The following AMBRA1 variants were observed in gnomAD, a reference collection of about 807,000 sequenced individuals.
AMBRA1 encodes activating molecule in BECN1-regulated autophagy protein 1.
Under a neutral mutation model 125.4 loss-of-function variants are expected in AMBRA1, and 47 were observed. The ratio of observed to expected loss-of-function variants is 0.37; its 90% confidence interval spans 0.30 to 0.48. The LOEUF (loss-of-function observed/expected upper bound fraction) is 0.48. Ranked by LOEUF, AMBRA1 falls within the 20% of genes least tolerant of loss-of-function variation. AMBRA1 has a pLI of 0.99. For synonymous variants in AMBRA1, 626 were observed against 655.5 expected (o/e 0.95, Z 0.69); for missense variants, 1,331 against 1,693.4 (o/e 0.79, Z 3.76).
At chr11:46,427,951 G>C (rs1947233811) in intron 14 of AMBRA1, among the ~76,000 whole-genome samples, 3 of 145,050 alleles carry the variant, frequency 2.1e-5, no homozygotes, top group African/African-American at 5.1e-5. Flanking sequence ...GGAGGTTGCA[G>C]TGAGCCAAGG....
chr11:46,519,551 T>C (rs1951668840), intron 7 of AMBRA1, among the ~76,000 whole-genome samples: 1 of 152,226 alleles, frequency 6.6e-6, no homozygotes. Flanking sequence ...TAGAACTCTC[T>C]GGCCTCTACT....
intron 3 of AMBRA1, among the ~76,000 whole-genome samples, chr11:46,547,590 G>A (rs1299748639): frequency 6.6e-6 from 1 of 152,156 alleles, no homozygotes; most frequent in African/African-American, 2.4e-5. Context: ...GATTGTTATT[G>A]AGAAACTTTC....
chr11:46,561,966 T>C (rs868374664), intron 1 of AMBRA1, among the ~76,000 whole-genome samples: 25 of 152,354 alleles, frequency 1.6e-4, no homozygotes, highest in Middle Eastern at 6.8e-3. Flanking sequence ...GCAGGTATTA[T>C]GTTGGCACTG....
intron 13 of AMBRA1, 147 bp from the exon 14 acceptor site, chr11:46,433,775 T>C (rs1211821296): frequency 1.1e-5 from 9 of 823,050 alleles, no homozygotes; most frequent in East Asian, 1.1e-4. Context: ...GTGAGGAGTA[T>C]GATGAGAAGG....
chr11:46,550,467 T>G lies in AMBRA1; in HGVS notation c.-120-1967A>C, dbSNP rs567836243. ...ATCTCCCCCTTTACAATTAGCAATCTGTGGCAATTATTTGGCATCATGTAA... is the reference window on the plus strand; with the variant it reads ...ATCTCCCCCTTTACAATTAGCAATCGGTGGCAATTATTTGGCATCATGTAA... On this transcript the variant is annotated intron_variant, in intron 1 of 17. Coordinates refer to ENST00000683756, the MANE Select transcript of AMBRA1 (RefSeq NM_001387011.1). Among the ~76,000 whole-genome samples the G allele has an allele frequency of 1.2e-4, 19 of 152,334 alleles. 2 individuals carry two copies. Among genetic ancestry groups the G allele is most frequent in the Middle Eastern group, 6.8e-3 (2 of 294 alleles).
intron 12 of AMBRA1, among the ~76,000 whole-genome samples, chr11:46,442,464 T>C (rs942874586): frequency 1.3e-4 from 20 of 152,056 alleles, no homozygotes; most frequent in African/African-American, 4.8e-4. Context: ...TTAACACAAA[T>C]CTAGCAGTGA....
At chr11:46,566,147 G>A (rs1359475279) in intron 1 of AMBRA1, among the ~76,000 whole-genome samples, 2 of 152,064 alleles carry the variant, frequency 1.3e-5, no homozygotes, top group Non-Finnish European at 2.9e-5. Context: ...TGGTCAGGGC[G>A]CTAGCTCACA....
intron 1 of AMBRA1, among the ~76,000 whole-genome samples, chr11:46,551,468 A>G (rs149985422): frequency 1.3e-5 from 2 of 152,260 alleles, no homozygotes; most frequent in Admixed American, 6.5e-5. Flanking sequence ...TATTTTAAAG[A>G]TGGGGTCTCG....
chr11:46,442,999 G>A (rs1948094983), intron 12 of AMBRA1, among the ~76,000 whole-genome samples: 1 of 152,224 alleles, frequency 6.6e-6, no homozygotes, highest in Admixed American at 6.5e-5. Flanking sequence ...TGGGATTACA[G>A]GCGTGAGCCA....
intron 7 of AMBRA1, among the ~76,000 whole-genome samples, chr11:46,541,695 C>A (rs1203512370): frequency 6.6e-6 from 1 of 152,228 alleles, no homozygotes; most frequent in Non-Finnish European, 1.5e-5. Flanking sequence ...CTACACTCTC[C>A]TTTCAAGGCT....
Position 46,542,088 on chromosome 11 carries a change from C to G in AMBRA1, c.1929G>C (p.Glu643Asp). Reference protein sequence around the residue: ...ELSSSASPQEERTVGVAFNQE... With the variant: ...ELSSSASPQEDRTVGVAFNQE... The stretch of plus-strand genomic sequence containing the variant: ...GGTTAAAGGCCACCCCCACAGTCCT[C>G]TCCTCCTGCGGACTAGCAGAGCTGC... The change falls in exon 7 of 18, where the codon GAG becomes GAC. Residue 643 changes from glutamate to aspartate, a missense_variant. Glu to Asp is a conservative substitution (Grantham distance 45, BLOSUM62 2). This residue lies in a region of AMBRA1 where 689 missense variants were observed against 776.5 expected (regional missense o/e 0.89). Coordinates refer to ENST00000683756, the MANE Select transcript of AMBRA1 (RefSeq NM_001387011.1). This position sits in a 1 kb window ranked among gnomAD's most constrained non-coding sequence, Gnocchi z 5.9. 6.2e-7 allele frequency: 1 copy of G among 1,613,928 alleles called. No individual in the cohort carries two copies. The highest frequency in any genetic ancestry group is 8.5e-7 in the Non-Finnish European group (1 of 1,179,946).
intron 1 of AMBRA1, among the ~76,000 whole-genome samples, chr11:46,573,032 T>C (rs1591161524): frequency 7.1e-6 from 1 of 140,206 alleles, no homozygotes; most frequent in African/African-American, 2.7e-5. Flanking sequence ...ACCTGGGAGG[T>C]GGAGGTTGGA....
At chr11:46,511,466 G>A (rs1951254240) in intron 8 of AMBRA1, among the ~76,000 whole-genome samples, 6 of 152,118 alleles carry the variant, frequency 3.9e-5, no homozygotes, top group Admixed American at 3.9e-4. Flanking sequence ...ACATAACTGT[G>A]GCAACAATAA....
chr11:46,446,999 A>G (rs1387006959), intron 11 of AMBRA1, among the ~76,000 whole-genome samples: 1 of 152,196 alleles, frequency 6.6e-6, no homozygotes, highest in Non-Finnish European at 1.5e-5. Context: ...GTCATTATCT[A>G]CTATAGTGTG....
At chr11:46,428,073 T>C (rs960200679) in intron 14 of AMBRA1, among the ~76,000 whole-genome samples, 8 of 150,158 alleles carry the variant, frequency 5.3e-5, no homozygotes, top group African/African-American at 2.0e-4. Flanking sequence ...GGGACCTGTT[T>C]AGGGTGAGGG....
chr11:46,449,717 C>T (rs1023555618), intron 11 of AMBRA1, among the ~76,000 whole-genome samples: 4 of 152,132 alleles, frequency 2.6e-5, no homozygotes, highest in Admixed American at 2.6e-4. Flanking sequence ...ATAGCCAACA[C>T]AATATGGAAG....
chr11:46,418,614 T>C (rs1315091138), intron 14 of AMBRA1, among the ~76,000 whole-genome samples: 4 of 151,752 alleles, frequency 2.6e-5, no homozygotes, highest in Admixed American at 2.0e-4. Flanking sequence ...AGTGTTCTCA[T>C]TGTTCAGTTC....
rs565711999 is a variant in AMBRA1, at chr11:46,512,044, C to T, written c.2159+683G>A. The stretch of plus-strand genomic sequence containing the variant: ...TAATTTTTTGTATTTTTAGTAGAGA[C>T]GGGGTTTTGCCATGTTGGCCAGGCT... On this transcript the variant is annotated intron_variant, in intron 8 of 17. Coordinates refer to ENST00000683756, the MANE Select transcript of AMBRA1 (RefSeq NM_001387011.1). Among the ~76,000 whole-genome samples, 127 of 152,124 alleles carry T rather than the reference C, an allele frequency of 8.3e-4. 1 individual carries two copies. Among genetic ancestry groups the T allele is most frequent in the African/African-American group, 3.0e-3 (125 of 41,498 alleles).
chr11:46,471,415 A>G (rs1949581681), intron 11 of AMBRA1, among the ~76,000 whole-genome samples: 1 of 151,734 alleles, frequency 6.6e-6, no homozygotes. Flanking sequence ...CATCTCTACT[A>G]AAAATACAAA....
Sources: gnomAD v4.1 joint callset for allele counts (sites outside exome capture counted in the v4.1 genomes callset) on GRCh38, gnomAD v4.1.1 for gene constraint, gnomAD v4.1.1 regional missense constraint, Gnocchi (gnomAD v3.1) non-coding constraint, MANE v1.5 for transcripts, NCBI Gene and HGNC (gene_info 2026-07-23, HGNC 2026-07-21) for gene names.